The following LRP8 variants were observed in gnomAD, a reference collection of about 807,000 sequenced individuals.
The protein encoded by LRP8 is LDL receptor related protein 8, also known as low-density lipoprotein receptor-related protein 8.
A neutral mutation model predicts 111.6 loss-of-function variants in LRP8; 46 were observed. That is an observed-to-expected ratio of 0.41 (90% CI 0.33 to 0.53). LRP8 has a LOEUF of 0.53. Among genes scored for constraint, LRP8 ranks in the 20% least tolerant of loss-of-function variants. The probability of loss-of-function intolerance (pLI) is 0.20; values close to 1 mark genes in which losing one functional copy is unlikely to be tolerated. For missense variants in LRP8, 959 were observed against 1,297.4 expected (o/e 0.74, Z 4.01); for synonymous variants, 464 against 511.2 (o/e 0.91, Z 1.24).
Position 53,243,937 on chromosome 1 carries a change from C to T in LRP8, c.*3081G>A, listed in dbSNP as rs1298880971. 6.6e-6 allele frequency: 1 copy of T among 152,192 alleles called. No homozygotes were observed. Among genetic ancestry groups the T allele is most frequent in the African/African-American group, 2.4e-5 (1 of 41,448 alleles). The allele number at this position is 152,192 out of a possible 1,614,324, so 9.4% of individuals were successfully genotyped here. On this transcript the variant is annotated 3_prime_UTR_variant, in exon 19 of 19. Transcript: ENST00000306052. The stretch of plus-strand genomic sequence containing the variant: ...TCAGAACATGTGTGACTGACCTTTA[C>T]ATCTGCAGTGCCAGGTGTGTAGTTG...
chr1:53,298,377 G>A (rs1242295161), intron 2 of LRP8, among the ~76,000 whole-genome samples: 1 of 152,192 alleles, frequency 6.6e-6, no homozygotes, highest in Non-Finnish European at 1.5e-5. Flanking sequence ...TGGGGGAGAG[G>A]TGGGCAGGAT....
chr1:53,257,294 G>A lies in LRP8; in HGVS notation c.2380C>T (p.Pro794Ser). The change falls in exon 15 of 19, where the codon CCC becomes TCC. Residue 794 changes from proline to serine, a missense_variant. Around this residue, in one of 3 missense-constraint regions of LRP8, gnomAD observed 819 missense variants for 1,097.6 expected, o/e 0.75. Coordinates refer to ENST00000306052, the MANE Select transcript of LRP8 (RefSeq NM_004631.5). ...CTTAGGGTAGACGGGCTGATGCTGG[G>A]AGCCCTGGGGACACTAACTGAGCTT... The part of the protein sequence containing the change: ...VPSSVSVPRA[P>S]SISPSTLSPA... 6.2e-7 allele frequency: 1 copy of A among 1,614,164 alleles called. No homozygotes were observed. The highest frequency in any genetic ancestry group is 8.5e-7 in the Non-Finnish European group (1 of 1,180,028).
intron 2 of LRP8, among the ~76,000 whole-genome samples, chr1:53,302,680 C>T (rs1332602929): frequency 6.7e-6 from 1 of 149,492 alleles, no homozygotes; most frequent in Non-Finnish European, 1.5e-5. Context: ...GCCATATGAC[C>T]TTGGGCCAAT....
chr1:53,283,205 C>T (rs1647173308), intron 3 of LRP8, among the ~76,000 whole-genome samples: 2 of 152,008 alleles, frequency 1.3e-5, no homozygotes, highest in Non-Finnish European at 2.9e-5. Flanking sequence ...CCTCCTTGCC[C>T]CTTCCACCAC....
rs942018406 is a variant in LRP8 at position 53,276,933 on chromosome 1, G to A, written c.642C>T (p.Gly214=). 2.8e-6 allele frequency: 4 copies of A among 1,451,404 alleles called. No homozygotes were observed. Among genetic ancestry groups the A allele is most frequent in the African/African-American group, 3.0e-5 (2 of 66,782 alleles). 89.9% of individuals were successfully genotyped at this position (1,451,404 alleles called of 1,614,324 possible). A position where few individuals can be genotyped will look rare whatever the true frequency, so the allele number is the denominator to read the frequency against. ...PACGPREFRC[G]GDGGGACIPE... is the part of the protein sequence containing the mutation. Reference sequence around the variant, plus strand: ...GGATGCAGGCGCCGCCGCCATCGCCGCCGCAGCGGAACTCGCGGGGCCCGC... The same window carrying A: ...GGATGCAGGCGCCGCCGCCATCGCCACCGCAGCGGAACTCGCGGGGCCCGC... The change falls in exon 5 of 19, where the codon GGC becomes GGT. Residue 214 remains glycine, a synonymous_variant. Transcript: ENST00000306052.
chr1:53,318,280 A>G (rs1459232439), intron 2 of LRP8, among the ~76,000 whole-genome samples: 1 of 151,174 alleles, frequency 6.6e-6, no homozygotes, highest in African/African-American at 2.4e-5. Flanking sequence ...CCTTGGGGCC[A>G]GAACACCGCT....
intron 3 of LRP8, among the ~76,000 whole-genome samples, chr1:53,282,036 A>C (rs1647130076): frequency 6.6e-6 from 1 of 152,344 alleles, no homozygotes; most frequent in Admixed American, 6.5e-5. Flanking sequence ...CCCCGGAGGC[A>C]GTGGGCTACT....
At chr1:53,254,978 A>T (rs928855090) in intron 16 of LRP8, 139 bp downstream of exon 16, 1 of 858,954 alleles carries the variant, frequency 1.2e-6, no homozygotes, top group Non-Finnish European at 1.8e-6. Context: ...AAATTAAATC[A>T]GGACTGGGAG....
At chr1:53,269,983 A>T (rs1349689740) in intron 8 of LRP8, among the ~76,000 whole-genome samples, 1 of 151,100 alleles carries the variant, frequency 6.6e-6, no homozygotes, top group Non-Finnish European at 1.5e-5. Flanking sequence ...CTTTGTGTGG[A>T]CTCCATATGC....
Position 53,243,675 on chromosome 1 carries a change from G to T in LRP8, c.*3343C>A, listed in dbSNP as rs114540499. 1 of 152,162 alleles carries T rather than the reference G, an allele frequency of 6.6e-6. No homozygotes were observed. Among genetic ancestry groups the T allele is most frequent in the Non-Finnish European group, 1.5e-5 (1 of 68,036 alleles). 9.4% of individuals were successfully genotyped at this position (152,162 alleles called of 1,614,324 possible). ...TAGAATGAACTGTGCAATTCCTAAA[G>T]TCCCTGTGCTCTTTCATACCTCTGT... On this transcript the variant is annotated 3_prime_UTR_variant, in exon 19 of 19. Transcript: ENST00000306052.
chr1:53,281,816 C>G (rs749880186), intron 3 of LRP8, among the ~76,000 whole-genome samples: 19 of 152,200 alleles, frequency 1.2e-4, no homozygotes, highest in Admixed American at 6.5e-5. Context: ...GAACACCCAG[C>G]CCAGTGCTCA....
At chr1:53,268,546 T>C (rs1157596073) in intron 8 of LRP8, 2 of 152,226 alleles carry the variant, frequency 1.3e-5, no homozygotes, top group Non-Finnish European at 2.9e-5. Context: ...TACATGTCAG[T>C]ATTATGGCTG....
At chr1:53,272,665 A>G (rs927406935) in intron 6 of LRP8, 1 of 1,289,198 alleles carries the variant, frequency 7.8e-7, no homozygotes, top group African/African-American at 1.5e-5. Context: ...GACCACAGCA[A>G]CTCCATGACT....
In LRP8 at chr1:53,258,409, C is replaced by G; in HGVS notation, c.2119G>C (p.Ala707Pro). 1 of 1,614,048 alleles carries G rather than the reference C, an allele frequency of 6.2e-7. No individual in the cohort carries two copies. The highest frequency in any genetic ancestry group is 1.1e-5 in the South Asian group (1 of 91,070). The change falls in exon 14 of 19, where the codon GCT (alanine) becomes CCT (proline). Residue 707 changes from alanine to proline, a missense_variant. Physicochemically the swap from Ala to Pro is conservative, Grantham distance 27 (BLOSUM62 -1). Transcript: ENST00000306052. ...NGGCEYLCLP[A>P]PQISSHSPKY... The stretch of plus-strand genomic sequence containing the variant: ...GGAGAGTGGCTGGAGATCTGAGGAG[C>G]AGGAAGGCACAGGTATTCACAGCCT...
In LRP8 at chr1:53,250,911, TG is replaced by T; in HGVS notation, c.2504-50del. On this transcript the variant is annotated intron_variant, in intron 16 of 18. Coordinates refer to ENST00000306052, the MANE Select transcript of LRP8 (RefSeq NM_004631.5). This position sits in a 1 kb window ranked among gnomAD's most constrained non-coding sequence, Gnocchi z 4.6. The stretch of plus-strand genomic sequence containing the variant: ...GGACCTCCAGCAGGCTCCAACCCAC[TG>T]CTCAGACATCTGTACAAGGCTTGTC... 1 of 1,529,330 alleles carries T rather than the reference TG, an allele frequency of 6.5e-7. No individual in the cohort carries two copies. The highest frequency in any genetic ancestry group is 9.1e-7 in the Non-Finnish European group (1 of 1,104,024). The allele number at this position is 1,529,330 out of a possible 1,614,324, so 94.7% of individuals were successfully genotyped here.
At chr1:53,251,887 T>C (rs943093626) in intron 16 of LRP8, among the ~76,000 whole-genome samples, 2 of 151,030 alleles carry the variant, frequency 1.3e-5, no homozygotes, top group East Asian at 3.9e-4. Flanking sequence ...CTACAAAAAA[T>C]ACAAAGTAGT....
chr1:53,310,064 A>G (rs938677852), intron 2 of LRP8, among the ~76,000 whole-genome samples: 10 of 152,094 alleles, frequency 6.6e-5, no homozygotes, highest in Non-Finnish European at 1.5e-4. Context: ...GCCCCGGAGC[A>G]TACCCACACC....
At chr1:53,315,082 G>A (rs1653617702) in intron 2 of LRP8, among the ~76,000 whole-genome samples, 1 of 152,182 alleles carries the variant, frequency 6.6e-6, no homozygotes, top group Non-Finnish European at 1.5e-5. Flanking sequence ...AAAGCCAGGG[G>A]CCAGGCAGGG....
At chr1:53,309,572 C>A (rs777881476) in intron 2 of LRP8, among the ~76,000 whole-genome samples, 1 of 152,118 alleles carries the variant, frequency 6.6e-6, no homozygotes, top group Admixed American at 6.5e-5. Context: ...CAGAGAGCCA[C>A]GGTGAGGGGA....
Sources: gnomAD v4.1 joint callset for allele counts (sites outside exome capture counted in the v4.1 genomes callset) on GRCh38, gnomAD v4.1.1 for gene constraint, gnomAD v4.1.1 regional missense constraint, Gnocchi (gnomAD v3.1) non-coding constraint, MANE v1.5 for transcripts, NCBI Gene and HGNC (gene_info 2026-07-23, HGNC 2026-07-21) for gene names.